The following ASCC3 variants were observed in gnomAD, a reference collection of about 807,000 sequenced individuals.
The protein encoded by ASCC3 is activating signal cointegrator 1 complex subunit 3, also known as ASC-1 complex subunit P200.
In ASCC3, 158 loss-of-function variants were observed where a neutral mutation model predicts 256.3. That is an observed-to-expected ratio of 0.62 (90% confidence interval 0.54 to 0.70). ASCC3 has a LOEUF of 0.70. ASCC3 is among the 30% of genes least tolerant of loss of function. The pLI, the probability that ASCC3 is intolerant of heterozygous loss-of-function variation, is 0.00. For synonymous variants in ASCC3, 948 were observed against 883.4 expected, an observed-to-expected ratio of 1.07 and a Z score of -1.30; for missense variants, 2,259 against 2,626.0, an observed-to-expected ratio of 0.86 and a Z score of 3.05.
intron 8 of ASCC3, among the ~76,000 whole-genome samples, chr6:100,778,432 G>A (rs1348215057): frequency 6.6e-6 from 1 of 151,984 alleles, no homozygotes; most frequent in Non-Finnish European, 1.5e-5. Flanking sequence ...ACGGACACTA[G>A]GTAACAGTTT....
chr6:100,525,526 C>T (rs1254704939), intron 37 of ASCC3, among the ~76,000 whole-genome samples: 1 of 151,944 alleles, frequency 6.6e-6, no homozygotes, highest in Admixed American at 6.6e-5. Context: ...GGGATCATCA[C>T]ACATTGTATA....
chr6:100,575,041 A>C (rs1393787083), intron 36 of ASCC3, among the ~76,000 whole-genome samples: 1 of 152,024 alleles, frequency 6.6e-6, no homozygotes, highest in Non-Finnish European at 1.5e-5. Flanking sequence ...TCTTCTCGCA[A>C]ACCCTGGAAG....
At chr6:100,687,151 ATAT>A (rs141913336) in intron 13 of ASCC3, among the ~76,000 whole-genome samples, 3,999 of 151,964 alleles carry the variant, frequency 0.026, 186 homozygotes, top group African/African-American at 0.092. Context: ...AATTTCCATA[ATAT>A]TATCCTGAGT....
chr6:100,605,193 T>C (rs240115), intron 33 of ASCC3, among the ~76,000 whole-genome samples: 85,737 of 151,892 alleles, frequency 0.56, 24,426 homozygotes, highest in East Asian at 0.73. Flanking sequence ...TGTATTTGAT[T>C]ATTATTAGTA....
intron 14 of ASCC3, among the ~76,000 whole-genome samples, chr6:100,676,941 T>C (rs1382724517): frequency 2.0e-5 from 3 of 152,168 alleles, no homozygotes; most frequent in Non-Finnish European, 4.4e-5. Context: ...TGTGGCATGG[T>C]AGGGATTTAG....
intron 4 of ASCC3, among the ~76,000 whole-genome samples, chr6:100,841,686 T>A (rs193110169): frequency 1.3e-5 from 2 of 149,384 alleles, no homozygotes; most frequent in Non-Finnish European, 3.0e-5. Context: ...TTGTGCATAT[T>A]AAAAAAAAAA....
At chr6:100,592,877 A>C (rs1239492227) in intron 34 of ASCC3, among the ~76,000 whole-genome samples, 1 of 152,152 alleles carries the variant, frequency 6.6e-6, no homozygotes, top group East Asian at 1.9e-4. Flanking sequence ...ACAACTGTTT[A>C]ATTATGGGTA....
At position 100,790,741 on chromosome 6, in the gene ASCC3, A is replaced by G. The variant is rs537275850; in HGVS notation, c.1395+7972T>C. ...CTCCATTCTAATTTCCTGCTATAAAATCAATAAAGTGTAGGTTGTAAAGAA... is the reference window on the plus strand; with the variant it reads ...CTCCATTCTAATTTCCTGCTATAAAGTCAATAAAGTGTAGGTTGTAAAGAA... On this transcript the variant is annotated intron_variant, in intron 8 of 41. Coordinates refer to ENST00000369162, the MANE Select transcript of ASCC3 (RefSeq NM_006828.4). Among the ~76,000 whole-genome samples, 21 of 152,106 alleles carry G rather than the reference A, an allele frequency of 1.4e-4. No homozygotes were observed. In the South Asian group the frequency reaches 4.1e-3, roughly 30 times the overall value.
intron 4 of ASCC3, among the ~76,000 whole-genome samples, chr6:100,829,468 G>A (rs996360793): frequency 2.0e-5 from 3 of 152,182 alleles, no homozygotes; most frequent in African/African-American, 4.8e-5. Flanking sequence ...GGCGGGGCTC[G>A]CCAGCCGTTC....
intron 14 of ASCC3, among the ~76,000 whole-genome samples, chr6:100,671,096 A>G (rs1425096077): frequency 1.3e-5 from 2 of 152,068 alleles, no homozygotes; most frequent in South Asian, 4.1e-4. Flanking sequence ...ACTTTTTTGT[A>G]TTAAAACATA....
chr6:100,646,913 G>C (rs1562195622), intron 21 of ASCC3, 144 bp from the exon 22 acceptor site: 5 of 914,322 alleles, frequency 5.5e-6, no homozygotes, highest in African/African-American at 3.3e-5. Context: ...TCTTGACCTG[G>C]CATGTTTGAA....
intron 3 of ASCC3, chr6:100,859,110 A>G (rs760680927): frequency 2.6e-6 from 2 of 779,614 alleles, no homozygotes; most frequent in Non-Finnish European, 4.8e-6. Flanking sequence ...CATTTTTGTC[A>G]TCTTAGTCCT....
At chr6:100,718,004 TA>T in intron 12 of ASCC3, 70 bp downstream of exon 12, 1 of 1,468,020 alleles carries the variant, frequency 6.8e-7, no homozygotes, top group Non-Finnish European at 9.4e-7. Context: ...TTGGAGTCTC[TA>T]ACTCCAAACA....
At chr6:100,611,310 C>T (rs935961066) in intron 30 of ASCC3, among the ~76,000 whole-genome samples, 1 of 152,028 alleles carries the variant, frequency 6.6e-6, no homozygotes, top group Non-Finnish European at 1.5e-5. Flanking sequence ...TCATAAAAAG[C>T]AAAATTTATA....
chr6:100,772,127 C>T (rs556626269), intron 8 of ASCC3, among the ~76,000 whole-genome samples: 1 of 152,090 alleles, frequency 6.6e-6, no homozygotes, highest in East Asian at 1.9e-4. Flanking sequence ...GTGATCCACC[C>T]GCCTCAGCCT....
chr6:100,516,760 T>G (rs935862354), intron 38 of ASCC3, among the ~76,000 whole-genome samples: 1 of 152,156 alleles, frequency 6.6e-6, no homozygotes, highest in African/African-American at 2.4e-5. Context: ...TGAGAATTTT[T>G]GAGATTTACA....
chr6:100,649,933 G>C (rs1229362391), intron 20 of ASCC3, among the ~76,000 whole-genome samples: 1 of 151,428 alleles, frequency 6.6e-6, no homozygotes, highest in Non-Finnish European at 1.5e-5. Flanking sequence ...TATTTGAACA[G>C]TTTATACCAT....
At chr6:100,818,716 G>A (rs1391092238) in intron 4 of ASCC3, among the ~76,000 whole-genome samples, 1 of 135,940 alleles carries the variant, frequency 7.4e-6, no homozygotes, top group Admixed American at 7.8e-5. Flanking sequence ...ACACTGTACT[G>A]TAGGTTCTAG....
intron 36 of ASCC3, among the ~76,000 whole-genome samples, chr6:100,583,210 T>C (rs1183784470): frequency 6.6e-6 from 1 of 152,256 alleles, no homozygotes; most frequent in African/African-American, 2.4e-5. Flanking sequence ...TGAATCCATC[T>C]GGTCCTGGAC....
Sources: gnomAD v4.1 joint callset for allele counts (sites outside exome capture counted in the v4.1 genomes callset) on GRCh38, gnomAD v4.1.1 for gene constraint, MANE v1.5 for transcripts, NCBI Gene and HGNC (gene_info 2026-07-23, HGNC 2026-07-21) for gene names.